SAMMSON: variants seen among roughly 807,000 people sequenced by gnomAD.
The protein encoded by SAMMSON is survival associated mitochondrial melanoma specific oncogenic non-coding RNA.
intron 7 of SAMMSON, among the ~76,000 whole-genome samples, chr3:70,346,406 T>C (rs969530616): frequency 3.9e-5 from 6 of 152,056 alleles, no homozygotes; most frequent in African/African-American, 1.4e-4. Flanking sequence ...CCAAGAAGTT[T>C]TATAATTTTG....
chr3:70,282,005 T>C (rs1240586889), intron 6 of SAMMSON, among the ~76,000 whole-genome samples: 1 of 152,268 alleles, frequency 6.6e-6, no homozygotes, highest in East Asian at 1.9e-4. Flanking sequence ...GACAGACACA[T>C]TACCAGAACA....
chr3:70,055,629 G>A (rs2067164169), intron 3 of SAMMSON, among the ~76,000 whole-genome samples: 2 of 152,072 alleles, frequency 1.3e-5, no homozygotes, highest in Non-Finnish European at 2.9e-5. Flanking sequence ...ATGCATTTCA[G>A]AGGCTTTCCG....
chr3:70,218,998 A>G (rs1262181634), intron 4 of SAMMSON, among the ~76,000 whole-genome samples: 1 of 152,164 alleles, frequency 6.6e-6, no homozygotes, highest in Admixed American at 6.5e-5. Context: ...TTCAAGAAAA[A>G]AAAAGTCCCC....
chr3:70,068,227 C>T lies in SAMMSON; in HGVS notation n.418-3249C>T, dbSNP rs1013657072. The T allele has an allele frequency of 2.0e-5, 3 of 152,054 alleles. No individual in the cohort carries two copies. In the East Asian group the frequency reaches 5.8e-4, roughly 30 times the overall value. 9.4% of individuals were successfully genotyped at this position (152,054 alleles called of 1,614,324 possible). A position where few individuals can be genotyped will look rare whatever the true frequency, so the allele number is the denominator to read the frequency against. On this transcript the variant is annotated intron_variant and non_coding_transcript_variant, in intron 3 of 9. Coordinates refer to ENST00000642114, the Ensembl canonical transcript of SAMMSON. ...GCTGCATTTATTGAAGTCATGAGCC[C>T]GTAGTCTATCTTTAGACTCCTGATG...
chr3:70,230,143 A>G (rs529295757), intron 4 of SAMMSON, among the ~76,000 whole-genome samples: 2 of 152,344 alleles, frequency 1.3e-5, no homozygotes, highest in South Asian at 4.1e-4. Flanking sequence ...TCAGGCCGAA[A>G]TTGAAATCCA....
intron 7 of SAMMSON, among the ~76,000 whole-genome samples, chr3:70,306,007 T>G (rs1362883616): frequency 2.6e-5 from 4 of 152,186 alleles, no homozygotes; most frequent in South Asian, 2.1e-4. Flanking sequence ...ACCAGTGTAT[T>G]CAAGGTGCCA....
intron 6 of SAMMSON, among the ~76,000 whole-genome samples, chr3:70,273,923 C>G (rs1010262313): frequency 8.5e-5 from 13 of 152,142 alleles, no homozygotes; most frequent in African/African-American, 2.7e-4. Flanking sequence ...CCTCCTTGGC[C>G]CCCAGAGCAG....
intron 4 of SAMMSON, among the ~76,000 whole-genome samples, chr3:70,181,505 G>T (rs978681334): frequency 6.6e-6 from 1 of 152,154 alleles, no homozygotes; most frequent in South Asian, 2.1e-4. Flanking sequence ...TGTGACTTGT[G>T]TATACTCAAT....
chr3:70,381,628 C>G (rs548291162), intron 9 of SAMMSON, among the ~76,000 whole-genome samples: 1 of 151,974 alleles, frequency 6.6e-6, no homozygotes, highest in South Asian at 2.1e-4. Context: ...CAAGCTAAAC[C>G]TGAGTCAAAC....
At position 70,186,648 on chromosome 3, in the gene SAMMSON, TG is replaced by T. The variant is rs1362352021; in HGVS notation, n.508-62457del. 2.0e-5 allele frequency among the ~76,000 whole-genome samples: 3 copies of T among 152,108 alleles called. No homozygotes were observed. In the East Asian group the frequency reaches 5.8e-4, roughly 29 times the overall value. On this transcript the variant is annotated intron_variant and non_coding_transcript_variant, in intron 4 of 9. Coordinates refer to ENST00000642114, the Ensembl canonical transcript of SAMMSON. ...TCATTGATGGCACCGAATTGAGGGG[TG>T]GTTAGGAGGAGAATGAGAAAAACCT...
intron 4 of SAMMSON, among the ~76,000 whole-genome samples, chr3:70,180,364 C>T (rs1474630205): frequency 6.6e-6 from 1 of 151,914 alleles, no homozygotes; most frequent in African/African-American, 2.4e-5. Flanking sequence ...AACAATAATA[C>T]AATTATAATC....
At chr3:70,296,789 G>T (rs1702293234) in intron 7 of SAMMSON, among the ~76,000 whole-genome samples, 1 of 151,974 alleles carries the variant, frequency 6.6e-6, no homozygotes, top group Non-Finnish European at 1.5e-5. Flanking sequence ...CTTCCAATCT[G>T]CTTTTTCTAC....
intron 3 of SAMMSON, chr3:70,069,366 G>A (rs1438896226): frequency 1.3e-5 from 2 of 152,108 alleles, no homozygotes; most frequent in Non-Finnish European, 1.5e-5. Flanking sequence ...GAGACAGAAA[G>A]ATGGAATAAT....
chr3:70,375,544 G>A (rs1398420712), intron 9 of SAMMSON, among the ~76,000 whole-genome samples: 1 of 151,846 alleles, frequency 6.6e-6, no homozygotes, highest in Non-Finnish European at 1.5e-5. Context: ...TAAGGGCCAG[G>A]GCAGTTCTCC....
chr3:70,416,964 C>T (rs1338713215), intron 2 of SAMMSON, among the ~76,000 whole-genome samples: 10 of 152,012 alleles, frequency 6.6e-5, no homozygotes, highest in Non-Finnish European at 1.0e-4. Context: ...TAGAGAAAAA[C>T]ATCTGGCATA....
At chr3:70,059,238 G>A (rs1477066798) in intron 3 of SAMMSON, among the ~76,000 whole-genome samples, 1 of 152,056 alleles carries the variant, frequency 6.6e-6, no homozygotes, top group Non-Finnish European at 1.5e-5. Context: ...ATCAGAGGAC[G>A]AGAACATTAG....
intron 9 of SAMMSON, among the ~76,000 whole-genome samples, chr3:70,366,492 GTTTT>G: frequency 2.0e-5 from 2 of 100,770 alleles, no homozygotes; most frequent in African/African-American, 3.6e-5. Flanking sequence ...GTGTTTTTAT[GTTTT>G]TTTTTTTTTT....
intron 3 of SAMMSON, among the ~76,000 whole-genome samples, chr3:70,032,438 C>T (rs1175102942): frequency 6.6e-6 from 1 of 152,170 alleles, no homozygotes; most frequent in Admixed American, 6.6e-5. Context: ...TAAACTCCTT[C>T]AGCCTAGAGG....
chr3:70,367,989 A>G (rs1487006621), intron 9 of SAMMSON, among the ~76,000 whole-genome samples: 1 of 149,790 alleles, frequency 6.7e-6, no homozygotes, highest in Non-Finnish European at 1.5e-5. Context: ...GAGTTTGAAG[A>G]GTTTTTTATA....
Sources: allele counts gnomAD v4.1 joint callset (sites outside exome capture counted in the v4.1 genomes callset), GRCh38; gene constraint gnomAD v4.1.1; transcripts MANE v1.5; gene names NCBI Gene and HGNC (gene_info 2026-07-23, HGNC 2026-07-21).